YAP1: variants seen among roughly 807,000 people sequenced by gnomAD.
The protein encoded by YAP1 is Yes1 associated transcriptional regulator.
Under a neutral mutation model 56.9 loss-of-function variants are expected in YAP1, and 5 were observed. The ratio of observed to expected loss-of-function variants is 0.09; its 90% CI spans 0.05 to 0.18. The LOEUF is 0.18. Ranked by LOEUF, YAP1 falls within the 10% of genes least tolerant of loss-of-function variation. The pLI is 1.00. For missense variants in YAP1, 539 were observed against 651.8 expected, an observed-to-expected ratio of 0.83 and a Z score of 1.88; for synonymous variants, 265 against 248.1, an observed-to-expected ratio of 1.07 and a Z score of -0.64.
At chr11:102,141,982 A>C (rs1004631845) in intron 2 of YAP1, among the ~76,000 whole-genome samples, 6 of 152,222 alleles carry the variant, frequency 3.9e-5, no homozygotes. Flanking sequence ...GAAATTCAAT[A>C]GATTTCCTGT....
At chr11:102,157,846 G>GT (rs988651582) in intron 2 of YAP1, among the ~76,000 whole-genome samples, 1 of 152,064 alleles carries the variant, frequency 6.6e-6, no homozygotes, top group Non-Finnish European at 1.5e-5. Context: ...GCATGTTTGG[G>GT]TTTTTTTCTC....
intron 2 of YAP1, among the ~76,000 whole-genome samples, chr11:102,161,170 C>T (rs1946256672): frequency 6.7e-6 from 1 of 149,750 alleles, no homozygotes; most frequent in East Asian, 2.0e-4. Flanking sequence ...TCGCCATTCT[C>T]CTGCCTCAGC....
At chr11:102,140,888 A>G (rs1212690854) in intron 2 of YAP1, among the ~76,000 whole-genome samples, 5 of 151,780 alleles carry the variant, frequency 3.3e-5, no homozygotes, top group Admixed American at 3.3e-4. Context: ...CTTGGGTTTC[A>G]GTAAGATTGG....
intron 6 of YAP1, among the ~76,000 whole-genome samples, chr11:102,214,089 T>C (rs141253514): frequency 1.7e-4 from 26 of 151,914 alleles, no homozygotes; most frequent in Admixed American, 1.2e-3. Flanking sequence ...AAAAAGAAAA[T>C]TAGAGAATTC....
chr11:102,154,441 G>A (rs1945830631), intron 2 of YAP1, among the ~76,000 whole-genome samples: 1 of 151,862 alleles, frequency 6.6e-6, no homozygotes, highest in Non-Finnish European at 1.5e-5. Flanking sequence ...TTGTATGAGT[G>A]TCTAGCATTT....
intron 3 of YAP1, among the ~76,000 whole-genome samples, chr11:102,175,214 A>T (rs1437089558): frequency 6.6e-6 from 1 of 152,168 alleles, no homozygotes; most frequent in Non-Finnish European, 1.5e-5. Flanking sequence ...AGCCTGACCA[A>T]CATGGTGAAA....
chr11:102,229,808 T>C lies in YAP1; in HGVS notation c.1383T>C (p.Asp461=). ...TGGACCTTGGAACACTGGAAGGAGA[T>C]GGAATGAACATAGAAGGAGAGGAGC... ...TNVDLGTLEG[D]GMNIEGEELM... is the part of the protein sequence containing the mutation. Residue 461 remains aspartate, a synonymous_variant, in exon 9 of 9, where the codon GAT becomes GAC. Coordinates refer to ENST00000282441, the MANE Select transcript of YAP1 (RefSeq NM_001130145.3). The C allele has an allele frequency of 6.2e-7, 1 of 1,614,064 alleles. No individual in the cohort carries two copies. Among genetic ancestry groups the C allele is most frequent in the South Asian group, 1.1e-5 (1 of 91,074 alleles).
intron 3 of YAP1, among the ~76,000 whole-genome samples, chr11:102,184,852 G>A (rs1199541709): frequency 6.6e-6 from 1 of 152,204 alleles, no homozygotes; most frequent in African/African-American, 2.4e-5. Context: ...GAATCACGCT[G>A]CCTGGCTTTG....
rs1943148866 is a variant in YAP1 at position 102,114,403 on chromosome 11, A to G, written c.572+9A>G. On this transcript the variant is annotated intron_variant, in intron 2 of 8. Transcript: ENST00000282441. ...CAGAGATACTTCTTAAAGTAAGTGAAAATAATGGTGGGAGACAGTTATCTA... is the reference window on the plus strand; with the variant it reads ...CAGAGATACTTCTTAAAGTAAGTGAGAATAATGGTGGGAGACAGTTATCTA... 1 of 1,605,742 alleles carries G rather than the reference A, an allele frequency of 6.2e-7. No individual in the cohort carries two copies. Among genetic ancestry groups the G allele is most frequent in the Non-Finnish European group, 8.5e-7 (1 of 1,172,740 alleles).
intron 6 of YAP1, among the ~76,000 whole-genome samples, chr11:102,217,338 T>TG (rs1480907169): frequency 6.6e-6 from 1 of 152,182 alleles, no homozygotes; most frequent in Non-Finnish European, 1.5e-5. Flanking sequence ...TGGAAACACT[T>TG]AGAATATTTT....
intron 2 of YAP1, among the ~76,000 whole-genome samples, chr11:102,115,964 A>G (rs188949049): frequency 1.3e-3 from 205 of 152,334 alleles, no homozygotes; most frequent in Non-Finnish European, 2.5e-3. Context: ...GGCTAAAAGT[A>G]TAAGGTTAAA....
At chr11:102,140,599 C>T (rs891388855) in intron 2 of YAP1, among the ~76,000 whole-genome samples, 3 of 152,144 alleles carry the variant, frequency 2.0e-5, no homozygotes, top group African/African-American at 7.2e-5. Flanking sequence ...AATCCCAGCA[C>T]TTTGGGAGGC....
chr11:102,121,668 A>G (rs1943662905), intron 2 of YAP1, among the ~76,000 whole-genome samples: 2 of 152,144 alleles, frequency 1.3e-5, no homozygotes, highest in African/African-American at 4.8e-5. Flanking sequence ...TATATAGGAT[A>G]TAGGGTTGGG....
intron 2 of YAP1, among the ~76,000 whole-genome samples, chr11:102,115,555 T>TG (rs1337067395): frequency 5.3e-5 from 3 of 56,520 alleles, no homozygotes; most frequent in African/African-American, 1.0e-4. Context: ...GTTCGTACAG[T>TG]TTTTTTTTGC....
At chr11:102,113,120 A>C (rs1436873211) in intron 1 of YAP1, among the ~76,000 whole-genome samples, 2 of 152,208 alleles carry the variant, frequency 1.3e-5, no homozygotes, top group South Asian at 4.1e-4. Context: ...TTAAGGCATT[A>C]ATGACTCTAC....
chr11:102,122,606 AGAGCAGG>A (rs1324547300), intron 2 of YAP1, among the ~76,000 whole-genome samples: 2 of 152,094 alleles, frequency 1.3e-5, no homozygotes, highest in Non-Finnish European at 2.9e-5. Flanking sequence ...ATAAAGAAAA[AGAGCAGG>A]CTGGGTATGG....
intron 2 of YAP1, among the ~76,000 whole-genome samples, chr11:102,118,779 A>C (rs1463579088): frequency 6.6e-6 from 1 of 151,748 alleles, no homozygotes; most frequent in Non-Finnish European, 1.5e-5. Context: ...GAACATATAC[A>C]GTGTATGTTG....
intron 2 of YAP1, among the ~76,000 whole-genome samples, chr11:102,133,589 G>A (rs924148190): frequency 1.3e-5 from 2 of 152,186 alleles, no homozygotes; most frequent in Non-Finnish European, 2.9e-5. Context: ...AAGCCACCAC[G>A]CCTGGCCTAG....
At chr11:102,143,272 C>T (rs1945121183) in intron 2 of YAP1, among the ~76,000 whole-genome samples, 1 of 152,062 alleles carries the variant, frequency 6.6e-6, no homozygotes, top group Non-Finnish European at 1.5e-5. Flanking sequence ...TTGAATTAAA[C>T]TGGGGCACTT....
Sources: allele counts gnomAD v4.1 joint callset (sites outside exome capture counted in the v4.1 genomes callset), GRCh38; gene constraint gnomAD v4.1.1; transcripts MANE v1.5; gene names NCBI Gene and HGNC (gene_info 2026-07-23, HGNC 2026-07-21).